KRT7: variants seen among roughly 807,000 people sequenced by gnomAD.
KRT7 encodes the protein keratin, type II cytoskeletal 7.
A neutral mutation model predicts 42.8 loss-of-function variants in KRT7; 50 were observed. The observed-to-expected ratio is 1.17, with a 90% confidence interval of 0.93 to 1.48. The LOEUF (loss-of-function observed/expected upper bound fraction) is 1.48. KRT7 is among the 40% of genes most tolerant of loss of function. The probability of loss-of-function intolerance (pLI) is 0.00; values close to 1 mark genes in which losing one functional copy is unlikely to be tolerated. For synonymous variants in KRT7, 268 were observed against 266.3 expected (o/e 1.01, Z -0.06); for missense variants, 588 against 637.6 (o/e 0.92, Z 0.84).
downstream of KRT7, among the ~76,000 whole-genome samples, chr12:52,252,850 C>T (rs1404268298): frequency 2.0e-5 from 3 of 152,180 alleles, no homozygotes; most frequent in African/African-American, 4.8e-5. Context: ...TTACTAACCC[C>T]ATTGATGTCT....
chr12:52,255,407 A>G, downstream of KRT7: 1 of 456,808 alleles, frequency 2.2e-6, no homozygotes, highest in South Asian at 1.5e-5. Context: ...CCTCTTCTTC[A>G]TACCTGGGGA....
At chr12:52,235,429 G>T in intron 2 of KRT7, 63 bp downstream of exon 2, 3 of 1,420,594 alleles carry the variant, frequency 2.1e-6, no homozygotes, top group Admixed American at 2.1e-5. Context: ...CTCATGAGCT[G>T]ACCCTGTGCA....
At chr12:52,243,238 G>C in intron 6 of KRT7, 101 bp downstream of exon 6, 1 of 1,377,430 alleles carries the variant, frequency 7.3e-7, no homozygotes, top group Non-Finnish European at 9.8e-7. Flanking sequence ...CCATCTCCCG[G>C]CCAAAGCTGG....
intron 5 of KRT7, 45 bp downstream of exon 5, chr12:52,241,681 G>A (rs748073803): frequency 5.2e-6 from 8 of 1,535,270 alleles, no homozygotes; most frequent in Non-Finnish European, 4.4e-6. Flanking sequence ...AGGGTCCTTG[G>A]TGGCAGCTTC....
At chr12:52,235,803 G>T (rs889078975) in intron 2 of KRT7, among the ~76,000 whole-genome samples, 1 of 152,196 alleles carries the variant, frequency 6.6e-6, no homozygotes, top group Admixed American at 6.5e-5. Context: ...AGCTCACACT[G>T]CAAAGGTCAC....
intron 7 of KRT7, among the ~76,000 whole-genome samples, chr12:52,246,956 G>A (rs897182696): frequency 1.3e-5 from 2 of 152,112 alleles, no homozygotes; most frequent in African/African-American, 2.4e-5. Flanking sequence ...CACACAGCAC[G>A]CAGAGACATC....
intron 7 of KRT7, 158 bp downstream of exon 7, chr12:52,245,790 C>A: frequency 1.1e-6 from 1 of 921,444 alleles, no homozygotes; most frequent in Middle Eastern, 3.4e-4. Flanking sequence ...GCCTCTTTGC[C>A]TTCAATGAGA....
intron 4 of KRT7, among the ~76,000 whole-genome samples, chr12:52,239,700 C>T (rs1309477092): frequency 6.6e-6 from 1 of 152,132 alleles, no homozygotes; most frequent in African/African-American, 2.4e-5. Context: ...GTAGGGCCAG[C>T]AGGGGAGCCC....
chr12:52,253,094 C>A (rs770559380), downstream of KRT7: 6 of 935,288 alleles, frequency 6.4e-6, no homozygotes, highest in Non-Finnish European at 1.0e-5. Context: ...GGCTGTCTGT[C>A]CTCATGCTGG....
At chr12:52,244,430 A>G (rs1217219979) in intron 6 of KRT7, 9 of 985,840 alleles carry the variant, frequency 9.1e-6, no homozygotes, top group Non-Finnish European at 1.1e-5. Flanking sequence ...ATGGGGAGCT[A>G]CAAGGGGTCT....
chr12:52,250,542 T>C (rs1447809345), downstream of KRT7: 4 of 1,125,000 alleles, frequency 3.6e-6, no homozygotes, highest in South Asian at 1.3e-5. Flanking sequence ...CACCGCCACG[T>C]TCCCGCTGCA....
chr12:52,235,614 G>T (rs972287218), intron 2 of KRT7, among the ~76,000 whole-genome samples: 1 of 152,220 alleles, frequency 6.6e-6, no homozygotes, highest in Non-Finnish European at 1.5e-5. Context: ...TCTCAGCCCA[G>T]CCCTGACCTG....
At position 52,233,616 on chromosome 12, in the gene KRT7, A is replaced by T. The variant is rs1941957607; in HGVS notation, c.320A>T (p.Asp107Val). The change falls in exon 1 of 9, where the codon GAC becomes GTC. Residue 107 changes from aspartate to valine, a missense_variant. Transcript: ENST00000331817. Reference protein sequence around the residue: ...TLNNKFASFIDKVRFLEQQNK... With the variant: ...TLNNKFASFIVKVRFLEQQNK... ...AACAACAAGTTTGCCTCCTTCATCG[A>T]CAAGGTGAGCGGGACTGGACCTCGC... 1 of 1,612,376 alleles carries T rather than the reference A, an allele frequency of 6.2e-7. No individual in the cohort carries two copies. Among genetic ancestry groups the T allele is most frequent in the East Asian group, 2.2e-5 (1 of 44,828 alleles).
At chr12:52,234,127 A>AT (rs1555181949) in intron 1 of KRT7, among the ~76,000 whole-genome samples, 2 of 82,828 alleles carry the variant, frequency 2.4e-5, no homozygotes, top group Non-Finnish European at 4.7e-5. Context: ...GGGGCGGGGG[A>AT]GGGGGGGGGG....
At chr12:52,245,117 TATCTC>T in intron 6 of KRT7, 1 of 519,118 alleles carries the variant, frequency 1.9e-6, no homozygotes, top group Non-Finnish European at 3.4e-6. Flanking sequence ...TCTTGTATAT[TATCTC>T]ATTTCATCCT....
At chr12:52,238,584 G>A in intron 3 of KRT7, 96 bp from the exon 4 acceptor site, 1 of 762,926 alleles carries the variant, frequency 1.3e-6, no homozygotes, top group Non-Finnish European at 2.4e-6. Context: ...TATTTGGCCT[G>A]TGGGTTGGAC....
chr12:52,253,420 G>A, downstream of KRT7: 1 of 1,571,380 alleles, frequency 6.4e-7, no homozygotes, highest in East Asian at 2.3e-5. Context: ...TGCAGGTTGT[G>A]CAGTGCTCAG....
downstream of KRT7, chr12:52,250,747 G>A (rs1942253485): frequency 2.3e-6 from 1 of 433,190 alleles, no homozygotes; most frequent in East Asian, 4.4e-5. Context: ...CCCTCACATG[G>A]GCACTCCTTC....
chr12:52,254,465 C>T (rs1009979376), downstream of KRT7: 2 of 480,648 alleles, frequency 4.2e-6, no homozygotes, highest in Non-Finnish European at 8.2e-6. Flanking sequence ...TGAGCAGCTT[C>T]CCTGGAAACC....
Sources: gnomAD v4.1 joint callset for allele counts (sites outside exome capture counted in the v4.1 genomes callset) on GRCh38, gnomAD v4.1.1 for gene constraint, MANE v1.5 for transcripts, NCBI Gene and HGNC (gene_info 2026-07-23, HGNC 2026-07-21) for gene names.